Variants in DPYS observed in about 807,000 individuals in gnomAD.
The protein encoded by DPYS is dihydropyrimidine amidohydrolase.
DPYS carries 39 observed loss-of-function variants against 50.3 expected under a neutral mutation model. The ratio of observed to expected loss-of-function variants is 0.78; its 90% CI spans 0.60 to 1.01. The LOEUF (loss-of-function observed/expected upper bound fraction) is 1.01. DPYS is among the 50% of genes least tolerant of loss of function. The pLI, the probability that DPYS is intolerant of heterozygous loss-of-function variation, is 0.00. For missense variants in DPYS, 659 were observed against 680.9 expected (o/e 0.97, Z 0.36); for synonymous variants, 245 against 250.7 (o/e 0.98, Z 0.22).
At chr8:104,427,392 C>T (rs933375640) in intron 6 of DPYS, among the ~76,000 whole-genome samples, 1 of 151,168 alleles carries the variant, frequency 6.6e-6, no homozygotes, top group African/African-American at 2.4e-5. Context: ...AATTCTCCTG[C>T]CTCAGCCTCC....
rs1332776554 is a variant in DPYS, at chr8:104,444,278, C to T, written c.763G>A (p.Ala255Thr). ...CTCCTTGCATCCGCTATCACCTTAG[C>T]TGCAGACTTGCTCATCACATGCACA... ...YIVHVMSKSAAKVIADARRDG... is the reference protein window; with the variant it reads ...YIVHVMSKSATKVIADARRDG... The change falls in exon 4 of 10, where the codon GCT (alanine) becomes ACT (threonine). Residue 255 changes from alanine (A) to threonine (T), a missense_variant. By Grantham distance (58) the Ala-to-Thr change is moderately conservative. Coordinates refer to ENST00000351513, the MANE Select transcript of DPYS (RefSeq NM_001385.3). 2 of 1,614,242 alleles carry T rather than the reference C, an allele frequency of 1.2e-6. No homozygotes were observed. The highest frequency in any genetic ancestry group is 3.3e-5 in the Admixed American group (2 of 60,030).
chr8:104,404,656 A>G (rs1811934168), intron 7 of DPYS, among the ~76,000 whole-genome samples: 1 of 152,280 alleles, frequency 6.6e-6, no homozygotes, highest in South Asian at 2.1e-4. Flanking sequence ...GACCTTGGAT[A>G]TTCAATGACA....
chr8:104,381,014 G>C, intron 9 of DPYS, 170 bp downstream of exon 9: 2 of 612,532 alleles, frequency 3.3e-6, no homozygotes, highest in East Asian at 6.0e-5. Flanking sequence ...CTACAATCTG[G>C]AAGGCTTATC....
chr8:104,438,300 C>A (rs1397819270), intron 4 of DPYS, among the ~76,000 whole-genome samples: 1 of 152,100 alleles, frequency 6.6e-6, no homozygotes, highest in Non-Finnish European at 1.5e-5. Context: ...GATGAAGAAG[C>A]TAGAACTCTT....
chr8:104,424,826 CTTT>C (rs11291771), intron 6 of DPYS, among the ~76,000 whole-genome samples: 11 of 135,792 alleles, frequency 8.1e-5, no homozygotes, highest in Non-Finnish European at 6.4e-5. Context: ...GGTGACAACA[CTTT>C]TTTTTTTTTT....
rs1813464744 is a variant in DPYS at position 104,444,534 on chromosome 8, G to T, written c.604-97C>A. 11 of 1,362,496 alleles carry T rather than the reference G, an allele frequency of 8.1e-6. No homozygotes were observed. The Admixed American group carries it at 2.1e-4, about 26-fold the overall frequency. 84.4% of individuals were successfully genotyped at this position (1,362,496 alleles called of 1,614,324 possible). On this transcript the variant is annotated intron_variant, in intron 3 of 9. Coordinates refer to ENST00000351513, the MANE Select transcript of DPYS (RefSeq NM_001385.3). ...AAATTAAATGCAATGCCAGGCTTTT[G>T]ATCTGTTAGGTATAGGGGTGTGTGT...
At chr8:104,382,254 G>C (rs936980923) in intron 8 of DPYS, among the ~76,000 whole-genome samples, 2 of 152,122 alleles carry the variant, frequency 1.3e-5, no homozygotes, top group Admixed American at 1.3e-4. Context: ...GCACTGCATC[G>C]GGTGTGCACT....
chr8:104,411,427 A>C (rs575782648), intron 7 of DPYS, among the ~76,000 whole-genome samples: 1 of 152,322 alleles, frequency 6.6e-6, no homozygotes, highest in South Asian at 2.1e-4. Context: ...GCCTGGTAGG[A>C]GGACAGAACT....
chr8:104,416,381 A>G (rs1242692669), intron 7 of DPYS, among the ~76,000 whole-genome samples: 1 of 152,200 alleles, frequency 6.6e-6, no homozygotes, highest in Non-Finnish European at 1.5e-5. Context: ...CAAAAGCACA[A>G]CCTGAACCAC....
chr8:104,464,811 T>C (rs1212776713), intron 1 of DPYS, among the ~76,000 whole-genome samples: 1 of 152,240 alleles, frequency 6.6e-6, no homozygotes, highest in Non-Finnish European at 1.5e-5. Context: ...ATTTTTCCAA[T>C]TGTTTCCTAC....
At chr8:104,409,562 C>T (rs1017937107) in intron 7 of DPYS, among the ~76,000 whole-genome samples, 40 of 151,964 alleles carry the variant, frequency 2.6e-4, no homozygotes, top group African/African-American at 8.0e-4. Context: ...AAGGATGAAA[C>T]TGTGATTGAC....
intron 8 of DPYS, among the ~76,000 whole-genome samples, chr8:104,387,675 A>G (rs1290775308): frequency 6.6e-6 from 1 of 152,240 alleles, no homozygotes; most frequent in Non-Finnish European, 1.5e-5. Context: ...TGAAATAGGA[A>G]TATCACTACT....
chr8:104,426,162 T>C (rs934415474), intron 6 of DPYS, among the ~76,000 whole-genome samples: 2 of 152,156 alleles, frequency 1.3e-5, no homozygotes, highest in African/African-American at 4.8e-5. Flanking sequence ...AAGATGAGGC[T>C]ATAGAGATGT....
At chr8:104,438,746 A>G (rs1813239247) in intron 4 of DPYS, among the ~76,000 whole-genome samples, 1 of 152,160 alleles carries the variant, frequency 6.6e-6, no homozygotes, top group Non-Finnish European at 1.5e-5. Context: ...GCAGAGAGAG[A>G]GAGAGCACTT....
At chr8:104,431,892 AT>A in intron 4 of DPYS, among the ~76,000 whole-genome samples, 1 of 152,296 alleles carries the variant, frequency 6.6e-6, no homozygotes, top group Admixed American at 6.5e-5. Flanking sequence ...GAAAAGTGCC[AT>A]TTTTTATTAC....
intron 1 of DPYS, among the ~76,000 whole-genome samples, chr8:104,459,952 C>A (rs562894273): frequency 6.4e-4 from 97 of 152,308 alleles, no homozygotes; most frequent in South Asian, 8.3e-4. Context: ...GCTCCGCCTT[C>A]CCTTGTTCTG....
chr8:104,422,123 G>A (rs2140612433), intron 7 of DPYS, among the ~76,000 whole-genome samples: 1 of 152,266 alleles, frequency 6.6e-6, no homozygotes, highest in African/African-American at 2.4e-5. Context: ...CCCCAGGCTG[G>A]GCCCTGTTGG....
chr8:104,444,393 G>A lies in DPYS; in HGVS notation c.648C>T (p.Gly216=). ...MLALGITGPE[G]HELCRPEAVE... is the part of the protein sequence containing the mutation. ...CTGCCTCTGGGCGGCACAGCTCGTG[G>A]CCCTCAGGGCCTGTTATCCCCAGAG... Residue 216 remains glycine, a synonymous_variant, in exon 4 of 10, where the codon GGC becomes GGT. Transcript: ENST00000351513. 1.9e-6 allele frequency: 3 copies of A among 1,614,226 alleles called. No individual in the cohort carries two copies. The highest frequency in any genetic ancestry group is 2.5e-6 in the Non-Finnish European group (3 of 1,180,038).
intron 4 of DPYS, among the ~76,000 whole-genome samples, chr8:104,438,837 C>T (rs1813244504): frequency 6.6e-6 from 1 of 152,076 alleles, no homozygotes; most frequent in Admixed American, 6.5e-5. Flanking sequence ...AATCCCAGCT[C>T]TGTGGGAGGC....
Sources: allele counts gnomAD v4.1 joint callset (sites outside exome capture counted in the v4.1 genomes callset), GRCh38; gene constraint gnomAD v4.1.1; transcripts MANE v1.5; gene names NCBI Gene and HGNC (gene_info 2026-07-23, HGNC 2026-07-21).